The following HMCN1 variants were observed in gnomAD, a reference collection of about 807,000 sequenced individuals.
The protein encoded by HMCN1 is hemicentin-1.
HMCN1 carries 321 observed loss-of-function variants against 625.9 expected under a neutral mutation model. The observed-to-expected ratio is 0.51, with a 90% CI of 0.47 to 0.56. The LOEUF is 0.56. Among genes scored for constraint, HMCN1 ranks in the 20% least tolerant of loss-of-function variants. The pLI, the probability that HMCN1 is intolerant of heterozygous loss-of-function variation, is 0.00. For synonymous variants in HMCN1, 2,425 were observed against 2,417.6 expected, an observed-to-expected ratio of 1.00 and a Z score of -0.09; for missense variants, 6,588 against 6,887.3, an observed-to-expected ratio of 0.96 and a Z score of 1.54.
chr1:185,819,237 C>CAAAAAAAAAAAAAAAAAAAAAAA (rs575598587), intron 1 of HMCN1, among the ~76,000 whole-genome samples: 1 of 125,144 alleles, frequency 8.0e-6, no homozygotes, highest in African/African-American at 2.9e-5. Context: ...ATCTCCATCT[C>CAAAAAAAAAAAAAAAAAAAAAAA]AAAAAAAAAA....
intron 49 of HMCN1, 51 bp downstream of exon 49, chr1:186,065,480 C>A: frequency 2.9e-6 from 4 of 1,365,190 alleles, no homozygotes; most frequent in Non-Finnish European, 3.9e-6. Context: ...TGACTGTAGG[C>A]TAAATTTTCT....
Position 185,933,772 on chromosome 1 carries a change from G to A in HMCN1, c.1776G>A (p.Met592Ile), listed in dbSNP as rs1404633140. The A allele has an allele frequency of 6.2e-7, 1 of 1,613,826 alleles. No individual in the cohort carries two copies. The highest frequency in any genetic ancestry group is 1.7e-5 in the Admixed American group (1 of 60,006). ...ACGATGCTGGAGAGTATCATTGTATGGTTTCTAGTGAAGGTGGATCATCAG... is the reference window on the plus strand; with the variant it reads ...ACGATGCTGGAGAGTATCATTGTATAGTTTCTAGTGAAGGTGGATCATCAG... Reference protein sequence around the residue: ...KFNDAGEYHCMVSSEGGSSAA... With the variant: ...KFNDAGEYHCIVSSEGGSSAA... The change falls in exon 11 of 107, where the codon ATG (methionine) becomes ATA (isoleucine). Residue 592 changes from methionine (M) to isoleucine (I), a missense_variant. Physicochemically the swap from Met to Ile is conservative, Grantham distance 10 (BLOSUM62 1). Transcript: ENST00000271588.
At chr1:185,771,492 TG>T (rs1470407867) in intron 1 of HMCN1, among the ~76,000 whole-genome samples, 1 of 152,202 alleles carries the variant, frequency 6.6e-6, no homozygotes, top group African/African-American at 2.4e-5. Flanking sequence ...TTTGATTATT[TG>T]GTAGGTGTTA....
intron 97 of HMCN1, among the ~76,000 whole-genome samples, chr1:186,157,258 A>G (rs1651083960): frequency 1.3e-5 from 2 of 152,196 alleles, no homozygotes; most frequent in African/African-American, 4.8e-5. Flanking sequence ...CAAGGTTTCT[A>G]TTACTATCAT....
At chr1:185,930,479 A>G (rs1024477176) in intron 10 of HMCN1, among the ~76,000 whole-genome samples, 6 of 152,154 alleles carry the variant, frequency 3.9e-5, no homozygotes, top group Non-Finnish European at 8.8e-5. Context: ...GGATAATTCG[A>G]TCTTATATTT....
chr1:186,142,755 T>G (rs1267703726), intron 89 of HMCN1, among the ~76,000 whole-genome samples: 1 of 152,136 alleles, frequency 6.6e-6, no homozygotes, highest in Non-Finnish European at 1.5e-5. Context: ...AATAAAAAAG[T>G]CTTTAGCTGA....
intron 105 of HMCN1, among the ~76,000 whole-genome samples, chr1:186,186,992 T>A (rs1046381635): frequency 4.2e-5 from 4 of 95,432 alleles, no homozygotes; most frequent in African/African-American, 1.8e-4. Flanking sequence ...TCTGTCTCTG[T>A]CTCACACACA....
chr1:186,130,889 G>A (rs1661900984), intron 85 of HMCN1, among the ~76,000 whole-genome samples, 192 bp downstream of exon 85: 1 of 152,176 alleles, frequency 6.6e-6, no homozygotes, highest in African/African-American at 2.4e-5. Flanking sequence ...AGTGCAGTGA[G>A]ATAATGTGGC....
intron 13 of HMCN1, among the ~76,000 whole-genome samples, chr1:185,965,385 C>G (rs1650334099): frequency 6.6e-6 from 1 of 152,060 alleles, no homozygotes; most frequent in African/African-American, 2.4e-5. Context: ...CTTAATTTAG[C>G]TGTCAGTCTT....
In HMCN1 at chr1:186,055,692, C is replaced by T. The variant is rs755731551; in HGVS notation, c.7144+18C>T. On this transcript the variant is annotated intron_variant, in intron 45 of 106. Transcript: ENST00000271588. ...TGTCCATGGTAAGTAGAAAGAGGCT[C>T]AATATGTCCATTCACTGGCTAACGT... 5.0e-6 allele frequency: 8 copies of T among 1,610,648 alleles called. No individual in the cohort carries two copies. The Admixed American group carries it at 6.7e-5, about 13-fold the overall frequency.
intron 11 of HMCN1, 138 bp downstream of exon 11, chr1:185,933,962 C>T (rs1234517398): frequency 1.2e-6 from 1 of 800,984 alleles, no homozygotes; most frequent in Non-Finnish European, 2.2e-6. Context: ...GAATGCTTAA[C>T]ATACTCAGTG....
intron 1 of HMCN1, among the ~76,000 whole-genome samples, chr1:185,783,844 C>A (rs1256206474): frequency 6.6e-6 from 1 of 152,198 alleles, no homozygotes. Context: ...AAACTCCATG[C>A]TGGGAGAACC....
At chr1:186,167,739 T>C (rs1340124327) in intron 100 of HMCN1, among the ~76,000 whole-genome samples, 1 of 152,224 alleles carries the variant, frequency 6.6e-6, no homozygotes, top group Non-Finnish European at 1.5e-5. Context: ...ATCATACAAT[T>C]GTGCAGACTT....
chr1:185,784,596 G>A (rs969671472), intron 1 of HMCN1, among the ~76,000 whole-genome samples: 2 of 151,956 alleles, frequency 1.3e-5, no homozygotes, highest in Admixed American at 1.3e-4. Flanking sequence ...TTCCTAGGCA[G>A]GTAAACATGA....
At chr1:186,018,119 A>G (rs926022134) in intron 33 of HMCN1, 64 bp from the exon 34 acceptor site, 8 of 1,330,600 alleles carry the variant, frequency 6.0e-6, no homozygotes, top group South Asian at 4.7e-5. Context: ...GAAACTTTAT[A>G]TATCTTCTAG....
intron 4 of HMCN1, among the ~76,000 whole-genome samples, chr1:185,901,982 A>G (rs1365814129): frequency 6.6e-6 from 1 of 151,760 alleles, no homozygotes; most frequent in Non-Finnish European, 1.5e-5. Flanking sequence ...CTTCCAGTAT[A>G]TGTTGGGGGT....
intron 1 of HMCN1, among the ~76,000 whole-genome samples, chr1:185,758,231 T>C (rs1224491917): frequency 1.3e-5 from 2 of 152,222 alleles, no homozygotes; most frequent in Non-Finnish European, 2.9e-5. Context: ...ACTTATGCAC[T>C]CAAGAAAACT....
chr1:185,901,923 G>A (rs1665827711), intron 4 of HMCN1, among the ~76,000 whole-genome samples: 1 of 151,654 alleles, frequency 6.6e-6, no homozygotes, highest in African/African-American at 2.4e-5. Flanking sequence ...GGGACTAATA[G>A]GATTTCTACA....
chr1:185,783,450 C>T (rs1657296939), intron 1 of HMCN1, among the ~76,000 whole-genome samples: 1 of 152,034 alleles, frequency 6.6e-6, no homozygotes, highest in Non-Finnish European at 1.5e-5. Flanking sequence ...AGTTTTTCTG[C>T]TCTGTTTTTT....
Sources: allele counts gnomAD v4.1 joint callset (sites outside exome capture counted in the v4.1 genomes callset), GRCh38; gene constraint gnomAD v4.1.1; transcripts MANE v1.5; gene names NCBI Gene and HGNC (gene_info 2026-07-23, HGNC 2026-07-21).